The following ACAD11 variants were observed in gnomAD, a reference collection of about 807,000 sequenced individuals.
The protein encoded by ACAD11 is acyl-Coenzyme A dehydrogenase family, member 11.
Under a neutral mutation model 102.2 loss-of-function variants are expected in ACAD11, and 83 were observed. The ratio of observed to expected loss-of-function variants is 0.81; its 90% CI spans 0.68 to 0.97. The LOEUF is 0.97. Ranked by LOEUF, ACAD11 falls within the 50% of genes least tolerant of loss-of-function variation. ACAD11 has a pLI of 0.00. For synonymous variants in ACAD11, 324 were observed against 319.8 expected (o/e 1.01, Z -0.14); for missense variants, 901 against 951.7 (o/e 0.95, Z 0.70).
intron 17 of ACAD11, among the ~76,000 whole-genome samples, chr3:132,566,234 A>C (rs555412119): frequency 4.0e-5 from 6 of 150,754 alleles, no homozygotes; most frequent in Admixed American, 3.3e-4. Flanking sequence ...GAAAAAAATC[A>C]GTGAACTGGA....
chr3:132,570,787 T>A (rs1399493887), intron 17 of ACAD11, among the ~76,000 whole-genome samples: 1 of 152,172 alleles, frequency 6.6e-6, no homozygotes, highest in Non-Finnish European at 1.5e-5. Context: ...CTGCGTTAGT[T>A]GGCTAAGGAT....
At chr3:132,589,765 G>GGT in intron 13 of ACAD11, among the ~76,000 whole-genome samples, 1 of 152,198 alleles carries the variant, frequency 6.6e-6, no homozygotes, top group South Asian at 2.1e-4. Context: ...TTGTTACATA[G>GGT]GTGAACTTGT....
intron 13 of ACAD11, among the ~76,000 whole-genome samples, chr3:132,588,441 A>C (rs1937941924): frequency 6.6e-6 from 1 of 152,200 alleles, no homozygotes; most frequent in South Asian, 2.1e-4. Flanking sequence ...TATGAGTTTT[A>C]TTTATCAGCT....
At chr3:132,619,321 A>T in intron 10 of ACAD11, 147 bp downstream of exon 10, 1 of 527,554 alleles carries the variant, frequency 1.9e-6, no homozygotes, top group Non-Finnish European at 3.3e-6. Context: ...TGTATGTTAT[A>T]GATTCTATTT....
intron 3 of ACAD11, 104 bp from the exon 4 acceptor site, chr3:132,642,237 T>C: frequency 9.1e-7 from 1 of 1,101,304 alleles, no homozygotes; most frequent in Non-Finnish European, 1.3e-6. Context: ...TATTAGAGTA[T>C]ACATGCCAAA....
chr3:132,587,374 T>C (rs1464481989), intron 13 of ACAD11, among the ~76,000 whole-genome samples: 1 of 152,220 alleles, frequency 6.6e-6, no homozygotes, highest in Admixed American at 6.5e-5. Context: ...TCGTTCATTC[T>C]TTCCTCTGTT....
chr3:132,558,323 CTCAGTGGG>C lies in ACAD11; in HGVS notation c.*640_*647del, dbSNP rs1936942771. 6.6e-6 allele frequency: 1 copy of C among 152,080 alleles called. No individual in the cohort carries two copies. Among genetic ancestry groups the C allele is most frequent in the Non-Finnish European group, 1.5e-5 (1 of 68,032 alleles). 9.4% of individuals were successfully genotyped at this position (152,080 alleles called of 1,614,324 possible). A position where few individuals can be genotyped will look rare whatever the true frequency, so the allele number is the denominator to read the frequency against. The stretch of plus-strand genomic sequence containing the variant: ...GCTTCAGCAATTCTCACAACAAACC[CTCAGTGGG>C]TCAGGGTCTTCTAAGATTAAAATGT... On this transcript the variant is annotated 3_prime_UTR_variant, in exon 20 of 20. Coordinates refer to ENST00000264990, the MANE Select transcript of ACAD11 (RefSeq NM_032169.5).
intron 11 of ACAD11, among the ~76,000 whole-genome samples, chr3:132,612,756 G>A (rs1939212655): frequency 6.6e-6 from 1 of 151,964 alleles, no homozygotes; most frequent in Admixed American, 6.6e-5. Context: ...GGAGAAATAG[G>A]AACACTTTTA....
chr3:132,616,385 G>A (rs11718290), intron 11 of ACAD11, among the ~76,000 whole-genome samples: 16,970 of 152,076 alleles, frequency 0.11, 1,479 homozygotes, highest in East Asian at 0.53. Flanking sequence ...AGAAGTCTTT[G>A]GTAGGATTAT....
At chr3:132,593,520 G>A (rs1156672655) in intron 13 of ACAD11, among the ~76,000 whole-genome samples, 1 of 152,120 alleles carries the variant, frequency 6.6e-6, no homozygotes, top group Non-Finnish European at 1.5e-5. Flanking sequence ...AAGCAAAGTG[G>A]TAGTAAAACA....
chr3:132,627,012 C>G, intron 8 of ACAD11, 195 bp from the exon 9 acceptor site: 1 of 502,220 alleles, frequency 2.0e-6, no homozygotes, highest in Non-Finnish European at 3.4e-6. Flanking sequence ...AAACATTTAA[C>G]TTTAATGCTT....
chr3:132,576,866 G>A, intron 16 of ACAD11, 78 bp downstream of exon 16: 1 of 1,074,684 alleles, frequency 9.3e-7, no homozygotes, highest in East Asian at 2.4e-5. Context: ...TCTAAATCTG[G>A]AAAGACTTAT....
chr3:132,635,103 A>T (rs916493363), intron 5 of ACAD11, among the ~76,000 whole-genome samples: 1 of 151,556 alleles, frequency 6.6e-6, no homozygotes, highest in Non-Finnish European at 1.5e-5. Flanking sequence ...TAAAAAAATA[A>T]AGAAAAAGAT....
chr3:132,631,458 C>A lies in ACAD11; in HGVS notation c.724G>T (p.Asp242Tyr). Residue 242 changes from aspartate (D) to tyrosine (Y), a missense_variant, in exon 6 of 20, where the codon GAT (aspartate) becomes TAT (tyrosine). Transcript: ENST00000264990. Reference sequence around the variant, plus strand: ...TGACCAATGGTTGACAGCTCCCAATCCAGCACTGCTATAACTCGACACTGT... The same window carrying A: ...TGACCAATGGTTGACAGCTCCCAATACAGCACTGCTATAACTCGACACTGT... ...PKECRVIAVL[D>Y]WELSTIGHPL... is the part of the protein sequence containing the mutation. 1 of 1,526,708 alleles carries A rather than the reference C, an allele frequency of 6.6e-7. No individual in the cohort carries two copies. 94.6% of individuals were successfully genotyped at this position (1,526,708 alleles called of 1,614,324 possible). A position where few individuals can be genotyped will look rare whatever the true frequency, so the allele number is the denominator to read the frequency against.
At chr3:132,608,784 A>G (rs888370084) in intron 11 of ACAD11, among the ~76,000 whole-genome samples, 7 of 152,210 alleles carry the variant, frequency 4.6e-5, no homozygotes, top group African/African-American at 1.7e-4. Flanking sequence ...GCTCTGGACC[A>G]AGCAGACCTA....
At chr3:132,580,849 T>C (rs1473414329) in intron 13 of ACAD11, among the ~76,000 whole-genome samples, 1 of 151,898 alleles carries the variant, frequency 6.6e-6, no homozygotes, top group Non-Finnish European at 1.5e-5. Context: ...ATCTGTAGTA[T>C]GTAAAAAGAA....
At chr3:132,648,018 C>T (rs551666720) in intron 1 of ACAD11, among the ~76,000 whole-genome samples, 1 of 152,100 alleles carries the variant, frequency 6.6e-6, no homozygotes, top group Non-Finnish European at 1.5e-5. Context: ...CCCAAAGACC[C>T]CCCACCTCTT....
intron 17 of ACAD11, among the ~76,000 whole-genome samples, chr3:132,566,984 GTTTA>G (rs1937232931): frequency 6.6e-6 from 1 of 152,104 alleles, no homozygotes; most frequent in African/African-American, 2.4e-5. Context: ...CAATTATATT[GTTTA>G]TTTATTTAGA....
At position 132,639,659 on chromosome 3, in the gene ACAD11, A is replaced by G. The variant is rs552870085; in HGVS notation, c.538-3T>C. ...TATTGCTTTGTCCAGGTTGATACCT[A>G]AAGACATATAAATAAGAAAAATGGT... On this transcript the variant is annotated splice_polypyrimidine_tract_variant and splice_region_variant and intron_variant, in intron 4 of 19. Coordinates refer to ENST00000264990, the MANE Select transcript of ACAD11 (RefSeq NM_032169.5). 6 of 1,604,084 alleles carry G rather than the reference A, an allele frequency of 3.7e-6. No individual in the cohort carries two copies. Among genetic ancestry groups the G allele is most frequent in the African/African-American group, 2.7e-5 (2 of 74,426 alleles).
Sources: allele counts gnomAD v4.1 joint callset (sites outside exome capture counted in the v4.1 genomes callset), GRCh38; gene constraint gnomAD v4.1.1; transcripts MANE v1.5; gene names NCBI Gene and HGNC (gene_info 2026-07-23, HGNC 2026-07-21).